PPARGC1A: variants seen among roughly 807,000 people sequenced by gnomAD.
PPARGC1A encodes peroxisome proliferator-activated receptor gamma coactivator 1-alpha.
In PPARGC1A, 25 loss-of-function variants were observed where a neutral mutation model predicts 88.7. That is an observed-to-expected ratio of 0.28 (90% CI 0.21 to 0.39). The LOEUF (loss-of-function observed/expected upper bound fraction) is 0.39. Ranked by LOEUF, PPARGC1A falls within the 10% of genes least tolerant of loss-of-function variation. PPARGC1A has a pLI of 1.00. For synonymous variants in PPARGC1A, 363 were observed against 355.6 expected (o/e 1.02, Z -0.24); for missense variants, 880 against 968.7 (o/e 0.91, Z 1.22).
At chr4:24,182,660 T>C in the PPARGC1A span, among the ~76,000 whole-genome samples, 1 of 152,254 alleles carries the variant, frequency 6.6e-6, no homozygotes, top group South Asian at 2.1e-4. Flanking sequence ...CCAGCATCTG[T>C]TGTCTCCTGA....
At chr4:24,231,483 C>G in the PPARGC1A span, among the ~76,000 whole-genome samples, 5 of 152,134 alleles carry the variant, frequency 3.3e-5, no homozygotes, top group African/African-American at 1.2e-4. Context: ...CCTCAAGGCC[C>G]AGAGTGACTC....
chr4:24,078,057 T>C, the PPARGC1A span, among the ~76,000 whole-genome samples: 1 of 152,006 alleles, frequency 6.6e-6, no homozygotes, highest in Admixed American at 6.6e-5. Flanking sequence ...GAAATAAATA[T>C]TTTAAAAAAT....
At chr4:23,875,740 C>A (rs1203015309) in intron 2 of PPARGC1A, 1 of 152,142 alleles carries the variant, frequency 6.6e-6, no homozygotes, top group Non-Finnish European at 1.5e-5. Context: ...TATAAGTATT[C>A]TCTGTGTGTA....
chr4:24,359,412 A>C, the PPARGC1A span, among the ~76,000 whole-genome samples: 1 of 151,830 alleles, frequency 6.6e-6, no homozygotes, highest in Non-Finnish European at 1.5e-5. Flanking sequence ...TCTACCCTGA[A>C]CTCCATACCC....
chr4:24,108,899 A>T, the PPARGC1A span, among the ~76,000 whole-genome samples: 2 of 152,100 alleles, frequency 1.3e-5, no homozygotes, highest in African/African-American at 4.8e-5. Flanking sequence ...GAAGAGGAAG[A>T]TTTAAAATAC....
At chr4:24,175,768 A>C in the PPARGC1A span, among the ~76,000 whole-genome samples, 3 of 151,842 alleles carry the variant, frequency 2.0e-5, no homozygotes, top group East Asian at 3.9e-4. Context: ...AACCATAAAT[A>C]ATAAAATATT....
chr4:24,155,197 T>C, the PPARGC1A span, among the ~76,000 whole-genome samples: 1 of 152,032 alleles, frequency 6.6e-6, no homozygotes, highest in Non-Finnish European at 1.5e-5. Context: ...TATGATAATG[T>C]ATTTTAAATG....
the PPARGC1A span, among the ~76,000 whole-genome samples, chr4:24,352,585 G>A: frequency 6.6e-6 from 1 of 152,192 alleles, no homozygotes. Context: ...CCTGGCCAAG[G>A]TCTGAGGACT....
At chr4:23,829,635 T>C (rs1004411337) in intron 3 of PPARGC1A, 50 bp from the exon 4 acceptor site, 3 of 1,552,812 alleles carry the variant, frequency 1.9e-6, no homozygotes, top group South Asian at 1.2e-5. Context: ...TATGCATCTT[T>C]TAAGCATTGG....
chr4:24,222,451 G>C, the PPARGC1A span, among the ~76,000 whole-genome samples: 1 of 152,220 alleles, frequency 6.6e-6, no homozygotes, highest in South Asian at 2.1e-4. Context: ...GTGAGAATTT[G>C]ATGAGCTAAC....
At chr4:24,119,377 GGT>G in the PPARGC1A span, among the ~76,000 whole-genome samples, 1 of 152,066 alleles carries the variant, frequency 6.6e-6, no homozygotes, top group Non-Finnish European at 1.5e-5. Flanking sequence ...TGAAAGACCT[GGT>G]GTTAGAAGGC....
At chr4:24,055,291 T>A in the PPARGC1A span, among the ~76,000 whole-genome samples, 3 of 152,312 alleles carry the variant, frequency 2.0e-5, 1 homozygote, top group African/African-American at 7.2e-5. Context: ...TTCAGGGTAC[T>A]GTATAATGAC....
chr4:24,017,924 T>C, the PPARGC1A span, among the ~76,000 whole-genome samples: 1 of 152,190 alleles, frequency 6.6e-6, no homozygotes, highest in Non-Finnish European at 1.5e-5. Flanking sequence ...TTTAGCCCTT[T>C]GGAGGAAAAT....
At chr4:24,092,957 C>T in the PPARGC1A span, among the ~76,000 whole-genome samples, 2 of 152,216 alleles carry the variant, frequency 1.3e-5, no homozygotes, top group African/African-American at 2.4e-5. Flanking sequence ...CACAGCCAAA[C>T]AATCACATGC....
chr4:23,993,398 A>AGATAATCTATG, the PPARGC1A span, among the ~76,000 whole-genome samples: 1 of 152,182 alleles, frequency 6.6e-6, no homozygotes, highest in Admixed American at 6.6e-5. Context: ...ACAGAGGAAG[A>AGATAATCTATG]TAAATTGCTG....
At chr4:23,812,979 A>G in intron 9 of PPARGC1A, 42 bp downstream of exon 9, 1 of 1,611,072 alleles carries the variant, frequency 6.2e-7, no homozygotes, top group Non-Finnish European at 8.5e-7. Context: ...CATCTCAAGG[A>G]GGGGATAAAG....
At chr4:24,421,602 C>T in the PPARGC1A span, among the ~76,000 whole-genome samples, 2 of 152,174 alleles carry the variant, frequency 1.3e-5, no homozygotes, top group African/African-American at 2.4e-5. Context: ...TGAGCCACCG[C>T]GCCGGGCCAA....
At chr4:24,432,709 C>G in the PPARGC1A span, among the ~76,000 whole-genome samples, 1 of 152,182 alleles carries the variant, frequency 6.6e-6, no homozygotes, top group African/African-American at 2.4e-5. Flanking sequence ...GTCACCATAC[C>G]TCTGTGAGTG....
intron 2 of PPARGC1A, among the ~76,000 whole-genome samples, chr4:23,864,654 G>T (rs932314759): frequency 6.6e-6 from 1 of 152,194 alleles, no homozygotes; most frequent in East Asian, 1.9e-4. Flanking sequence ...TAGAGACAAT[G>T]ACCCCAAGGC....
Sources: allele counts gnomAD v4.1 joint callset (sites outside exome capture counted in the v4.1 genomes callset), GRCh38; gene constraint gnomAD v4.1.1; transcripts MANE v1.5; gene names NCBI Gene and HGNC (gene_info 2026-07-23, HGNC 2026-07-21).